AKAP13: variants seen among roughly 807,000 people sequenced by gnomAD.
AKAP13 encodes the protein A-kinase anchoring protein 13, also known as A-kinase anchor protein 13.
AKAP13 carries 80 observed loss-of-function variants against 264.5 expected under a neutral mutation model. The observed-to-expected ratio is 0.30, with a 90% CI of 0.25 to 0.36. The LOEUF is 0.36. Ranked by LOEUF, AKAP13 falls within the 10% of genes least tolerant of loss-of-function variation. The probability of loss-of-function intolerance (pLI) is 1.00; values close to 1 mark genes in which losing one functional copy is unlikely to be tolerated. For missense variants in AKAP13, 3,712 were observed against 3,435.2 expected, an observed-to-expected ratio of 1.08 and a Z score of -2.01; for synonymous variants, 1,380 against 1,250.2, an observed-to-expected ratio of 1.10 and a Z score of -2.19.
chr15:85,450,203 G>A (rs2074033910), intron 1 of AKAP13, among the ~76,000 whole-genome samples: 2 of 151,958 alleles, frequency 1.3e-5, no homozygotes, highest in African/African-American at 4.8e-5. Context: ...GTTTGTGTGG[G>A]TAGAGGTGTT....
intron 9 of AKAP13, among the ~76,000 whole-genome samples, chr15:85,645,083 G>A (rs969115479): frequency 5.9e-5 from 9 of 152,196 alleles, no homozygotes; most frequent in Admixed American, 2.0e-4. Context: ...TCATGTCACC[G>A]TAGTACAGCC....
intron 1 of AKAP13, among the ~76,000 whole-genome samples, chr15:85,478,678 T>C (rs2075257814): frequency 6.6e-6 from 1 of 152,046 alleles, no homozygotes. Flanking sequence ...ATTTCCTTCA[T>C]GTCATGCCTG....
chr15:85,655,498 TCTC>T lies in AKAP13; in HGVS notation c.4457_4459del (p.Ser1486_His1487delinsTyr). The T allele has an allele frequency of 1.9e-6, 3 of 1,614,160 alleles. No individual in the cohort carries two copies. The highest frequency in any genetic ancestry group is 2.5e-6 in the Non-Finnish European group (3 of 1,180,016). On this transcript the variant is annotated inframe_deletion, in exon 11 of 37. Transcript: ENST00000394518. ...CACGGCTTCACTGGACCGACATTCT[TCTC>T]ATGGCAGTGATGTGTCTCTCTCCCA...
rs141444195 is a variant in AKAP13 at position 85,551,579 on chromosome 15, G to T, written c.662+7624G>T. On this transcript the variant is annotated intron_variant, in intron 5 of 36. Coordinates refer to ENST00000394518, the MANE Select transcript of AKAP13 (RefSeq NM_007200.5). ...ATCACAGAGCCATTCCAAGCATCTTGTGTTTCTATAAACTTCTTTTCTCTC... is the reference window on the plus strand; with the variant it reads ...ATCACAGAGCCATTCCAAGCATCTTTTGTTTCTATAAACTTCTTTTCTCTC... 3.7e-3 allele frequency among the ~76,000 whole-genome samples: 567 copies of T among 152,328 alleles called. 1 individual carries two copies. The highest frequency in any genetic ancestry group is 0.011 in the African/African-American group (437 of 41,572).
chr15:85,650,119 T>C (rs2151502113), intron 10 of AKAP13, among the ~76,000 whole-genome samples: 1 of 152,172 alleles, frequency 6.6e-6, no homozygotes, highest in South Asian at 2.1e-4. Context: ...AAAAAAACAA[T>C]AAACCTTTTT....
At chr15:85,468,372 T>C (rs1374968723) in intron 1 of AKAP13, among the ~76,000 whole-genome samples, 2 of 152,238 alleles carry the variant, frequency 1.3e-5, no homozygotes, top group South Asian at 2.1e-4. Flanking sequence ...GTAGTTGTCC[T>C]CTAAGTTTGG....
intron 8 of AKAP13, among the ~76,000 whole-genome samples, chr15:85,638,810 G>A (rs2082179377): frequency 6.6e-6 from 1 of 151,758 alleles, no homozygotes; most frequent in Non-Finnish European, 1.5e-5. Context: ...AGGCTGGAGT[G>A]CAGTGGCGCG....
At chr15:85,646,347 A>G (rs979098991) in intron 10 of AKAP13, among the ~76,000 whole-genome samples, 3 of 152,114 alleles carry the variant, frequency 2.0e-5, no homozygotes, top group Non-Finnish European at 2.9e-5. Context: ...TGCTCACTTG[A>G]ACCCAGGAGG....
intron 22 of AKAP13, 39 bp from the exon 23 acceptor site, chr15:85,719,037 A>G (rs2087127431): frequency 6.8e-6 from 11 of 1,606,998 alleles, no homozygotes; most frequent in Non-Finnish European, 8.5e-6. Context: ...ATGCTTATAA[A>G]AGAGTGTTCC....
intron 8 of AKAP13, among the ~76,000 whole-genome samples, chr15:85,597,849 T>A (rs2079887553): frequency 6.6e-6 from 1 of 152,106 alleles, no homozygotes; most frequent in Non-Finnish European, 1.5e-5. Flanking sequence ...CCTGCATGAA[T>A]CACTGTGAAA....
intron 8 of AKAP13, among the ~76,000 whole-genome samples, chr15:85,629,803 AGTGTCTGGCT>A (rs1179602207): frequency 2.9e-5 from 2 of 68,196 alleles, no homozygotes; most frequent in Non-Finnish European, 5.7e-5. Context: ...TTTTTGAGAC[AGTGTCTGGCT>A]GTGTCACCCA....
Position 85,564,430 on chromosome 15 carries a change from A to G in AKAP13, c.663-10701A>G, listed in dbSNP as rs372872248. On this transcript the variant is annotated intron_variant, in intron 5 of 36. Coordinates refer to ENST00000394518, the MANE Select transcript of AKAP13 (RefSeq NM_007200.5). ...ATGACCTTCTGTTCCTAAATATTTCAGCATATATTTCCTAAGAACAAGGAC... is the reference window on the plus strand; with the variant it reads ...ATGACCTTCTGTTCCTAAATATTTCGGCATATATTTCCTAAGAACAAGGAC... Among the ~76,000 whole-genome samples the G allele has an allele frequency of 1.5e-3, 235 of 152,340 alleles. 2 individuals carry two copies. The highest frequency in any genetic ancestry group is 5.3e-3 in the African/African-American group (220 of 41,580).
chr15:85,568,933 A>G (rs201225353), intron 5 of AKAP13, among the ~76,000 whole-genome samples: 2 of 152,194 alleles, frequency 1.3e-5, no homozygotes, highest in Non-Finnish European at 2.9e-5. Context: ...GAGTGGCTGT[A>G]AGAGTCCAGG....
chr15:85,437,053 C>T (rs2073339837), intron 1 of AKAP13, among the ~76,000 whole-genome samples: 1 of 144,824 alleles, frequency 6.9e-6, no homozygotes, highest in Non-Finnish European at 1.5e-5. Context: ...AAAGGATCAA[C>T]AAAATTGATA....
intron 4 of AKAP13, among the ~76,000 whole-genome samples, chr15:85,540,922 A>G (rs1344676576): frequency 6.6e-6 from 1 of 152,260 alleles, no homozygotes; most frequent in East Asian, 1.9e-4. Flanking sequence ...TGCTCATCGA[A>G]GAAGCCTTAC....
At chr15:85,717,978 T>A in intron 21 of AKAP13, 29 bp from the exon 22 acceptor site, 1 of 1,606,126 alleles carries the variant, frequency 6.2e-7, no homozygotes, top group Non-Finnish European at 8.5e-7. Flanking sequence ...ACAAACCTGA[T>A]TCTGATATTG....
At chr15:85,693,187 G>A (rs2085386735) in intron 16 of AKAP13, 90 bp from the exon 17 acceptor site, 1 of 1,424,610 alleles carries the variant, frequency 7.0e-7, no homozygotes, top group Non-Finnish European at 9.1e-7. Flanking sequence ...GTCACCAGCT[G>A]TTGTTAACCA....
intron 12 of AKAP13, among the ~76,000 whole-genome samples, chr15:85,661,502 T>C (rs1454495694): frequency 6.6e-6 from 1 of 152,102 alleles, no homozygotes; most frequent in African/African-American, 2.4e-5. Flanking sequence ...GTGGATCACT[T>C]GAGGTCAGGA....
chr15:85,645,710 A>G (rs2082526743), intron 9 of AKAP13, 108 bp from the exon 10 acceptor site: 1 of 1,159,684 alleles, frequency 8.6e-7, no homozygotes, highest in Non-Finnish European at 1.2e-6. Flanking sequence ...AGAGTGAGAG[A>G]GAGATTTAAA....
Sources: gnomAD v4.1 joint callset for allele counts (sites outside exome capture counted in the v4.1 genomes callset) on GRCh38, gnomAD v4.1.1 for gene constraint, MANE v1.5 for transcripts, NCBI Gene and HGNC (gene_info 2026-07-23, HGNC 2026-07-21) for gene names.